SFMBT1: variants seen among roughly 807,000 people sequenced by gnomAD.
SFMBT1 encodes scm-like with four MBT domains protein 1.
Under a neutral mutation model 108.7 loss-of-function variants are expected in SFMBT1, and 32 were observed. That is an observed-to-expected ratio of 0.29 (90% CI 0.22 to 0.40). The LOEUF (loss-of-function observed/expected upper bound fraction) is 0.40, where lower values mean the gene tolerates loss of function less well. Among genes scored for constraint, SFMBT1 ranks in the 10% least tolerant of loss-of-function variants. The pLI is 1.00. For missense variants in SFMBT1, 816 were observed against 1,059.6 expected, an observed-to-expected ratio of 0.77 and a Z score of 3.19; for synonymous variants, 348 against 369.5, an observed-to-expected ratio of 0.94 and a Z score of 0.67.
At chr3:52,991,978 T>C (rs890123555) in intron 1 of SFMBT1, among the ~76,000 whole-genome samples, 14 of 152,248 alleles carry the variant, frequency 9.2e-5, no homozygotes, top group Admixed American at 8.5e-4. Context: ...GAGGAGATTG[T>C]CCATTTCTGT....
At chr3:53,020,617 C>T (rs933056446) in intron 1 of SFMBT1, among the ~76,000 whole-genome samples, 7 of 151,906 alleles carry the variant, frequency 4.6e-5, no homozygotes, top group South Asian at 2.1e-4. Context: ...ATATTAAAGC[C>T]GATACATGTT....
chr3:52,973,902 C>A (rs1355818403), intron 1 of SFMBT1, among the ~76,000 whole-genome samples: 3 of 152,204 alleles, frequency 2.0e-5, no homozygotes, highest in African/African-American at 7.2e-5. Flanking sequence ...ATTACACATA[C>A]AAGTCCACAC....
In SFMBT1 at chr3:52,957,751, G is replaced by C. The variant is rs115192920; in HGVS notation, c.29-3340C>G. 9.0e-3 allele frequency among the ~76,000 whole-genome samples: 1,375 copies of C among 152,260 alleles called. 17 individuals are homozygous for C. The highest frequency in any genetic ancestry group is 0.031 in the African/African-American group (1,285 of 41,556). Reference sequence around the variant, plus strand: ...AAATGGTGCTGGGAGAACTGACTAAGCCATAAGCAGAAAATTGAAACTGGG... The same window carrying C: ...AAATGGTGCTGGGAGAACTGACTAACCCATAAGCAGAAAATTGAAACTGGG... On this transcript the variant is annotated intron_variant, in intron 2 of 20. Coordinates refer to ENST00000394752, the MANE Select transcript of SFMBT1 (RefSeq NM_016329.4).
chr3:52,999,866 C>G (rs1039731676), intron 1 of SFMBT1, among the ~76,000 whole-genome samples: 4 of 148,536 alleles, frequency 2.7e-5, no homozygotes, highest in African/African-American at 9.8e-5. Flanking sequence ...GAAGTTTTTG[C>G]TTTTTTTTTG....
At chr3:53,025,083 T>G (rs910613187) in intron 1 of SFMBT1, among the ~76,000 whole-genome samples, 2 of 152,160 alleles carry the variant, frequency 1.3e-5, no homozygotes, top group African/African-American at 4.8e-5. Context: ...TACAGAAATA[T>G]GTAAGTACCT....
chr3:53,022,381 T>G (rs539473345), intron 1 of SFMBT1, among the ~76,000 whole-genome samples: 7 of 134,394 alleles, frequency 5.2e-5, no homozygotes, highest in Admixed American at 2.6e-4. Flanking sequence ...GCCCAGGAGG[T>G]AGACGCTGCA....
Position 52,941,577 on chromosome 3 carries a change from G to A in SFMBT1, c.364+1776C>T, listed in dbSNP as rs1181813846. Among the ~76,000 whole-genome samples the A allele has an allele frequency of 6.9e-5, 8 of 115,938 alleles. No individual in the cohort carries two copies. In the East Asian group the frequency reaches 2.2e-3, roughly 32 times the overall value. 76.1% of individuals were successfully genotyped at this position (115,938 alleles called of 152,430 possible). On this transcript the variant is annotated intron_variant, in intron 4 of 20. Coordinates refer to ENST00000394752, the MANE Select transcript of SFMBT1 (RefSeq NM_016329.4). Reference sequence around the variant, plus strand: ...CCATTGCACTCCAGCCTGGGCAACAGAGTGAGACTCTGTTTCAAAAAAAAA... The same window carrying A: ...CCATTGCACTCCAGCCTGGGCAACAAAGTGAGACTCTGTTTCAAAAAAAAA...
chr3:52,916,884 C>T (rs1440903884), intron 13 of SFMBT1, among the ~76,000 whole-genome samples: 2 of 152,108 alleles, frequency 1.3e-5, no homozygotes, highest in Non-Finnish European at 2.9e-5. Flanking sequence ...ATAAACTACT[C>T]ATTTTTCAAC....
chr3:53,040,967 A>ATT (rs1559560284), intron 1 of SFMBT1, among the ~76,000 whole-genome samples: 2 of 72,880 alleles, frequency 2.7e-5, no homozygotes, highest in Non-Finnish European at 6.0e-5. Context: ...AAGACACCTG[A>ATT]ATTTTTTTTT....
chr3:52,980,038 T>A (rs1704654746), intron 1 of SFMBT1, among the ~76,000 whole-genome samples: 1 of 152,096 alleles, frequency 6.6e-6, no homozygotes, highest in Non-Finnish European at 1.5e-5. Context: ...ATCAAAAAAT[T>A]AAGAAAAAGG....
chr3:52,922,867 G>A (rs1480535256), intron 10 of SFMBT1, among the ~76,000 whole-genome samples: 2 of 152,174 alleles, frequency 1.3e-5, no homozygotes, highest in Admixed American at 1.3e-4. Context: ...CCTATGGACT[G>A]CTGAGAGGCC....
chr3:53,013,630 T>C (rs990730888), intron 1 of SFMBT1, among the ~76,000 whole-genome samples: 4 of 125,184 alleles, frequency 3.2e-5, no homozygotes, highest in African/African-American at 9.7e-5. Context: ...TTTTTTTTTT[T>C]TTTTTTTTTT....
Position 52,905,120 on chromosome 3 carries a change from A to G in SFMBT1, c.*16T>C, listed in dbSNP as rs1230156401. ...CATTTGTGCTTCAAAGATCCAGCTC[A>G]CTTTGGTTGTCCTTCTCAGTTGGCA... is the stretch of plus-strand genomic sequence containing the variant. On this transcript the variant is annotated 3_prime_UTR_variant, in exon 21 of 21. Coordinates refer to ENST00000394752, the MANE Select transcript of SFMBT1 (RefSeq NM_016329.4). 6.2e-7 allele frequency: 1 copy of G among 1,612,840 alleles called. No homozygotes were observed. The highest frequency in any genetic ancestry group is 1.1e-5 in the South Asian group (1 of 90,740).
At chr3:52,933,049 C>T (rs1476938200) in intron 5 of SFMBT1, among the ~76,000 whole-genome samples, 1 of 152,162 alleles carries the variant, frequency 6.6e-6, no homozygotes, top group Non-Finnish European at 1.5e-5. Context: ...AACACTTTGG[C>T]ATACACTCTT....
intron 1 of SFMBT1, chr3:53,043,328 TTTAG>T (rs1479094767): frequency 6.6e-6 from 1 of 152,220 alleles, no homozygotes; most frequent in African/African-American, 2.4e-5. Context: ...TGACATAATT[TTTAG>T]TTAACCTTTT....
intron 1 of SFMBT1, among the ~76,000 whole-genome samples, chr3:53,035,996 T>C (rs1385014903): frequency 6.6e-6 from 1 of 152,250 alleles, no homozygotes; most frequent in Non-Finnish European, 1.5e-5. Flanking sequence ...AAGGTGTCTT[T>C]CCTTTTCCTT....
At chr3:52,968,662 C>G (rs542627467) in intron 2 of SFMBT1, among the ~76,000 whole-genome samples, 1 of 148,210 alleles carries the variant, frequency 6.7e-6, no homozygotes, top group African/African-American at 2.5e-5. Flanking sequence ...TGCAGTGGCG[C>G]GATCCTGGCT....
At chr3:52,942,891 T>A (rs1703233647) in intron 4 of SFMBT1, among the ~76,000 whole-genome samples, 1 of 152,250 alleles carries the variant, frequency 6.6e-6, no homozygotes. Flanking sequence ...TCTTTTGCCT[T>A]TATTGTCTCT....
At chr3:53,005,190 T>A in intron 1 of SFMBT1, among the ~76,000 whole-genome samples, 1 of 152,208 alleles carries the variant, frequency 6.6e-6, no homozygotes, top group East Asian at 1.9e-4. Flanking sequence ...TTTGAGAGCA[T>A]GTCATGCCAG....
Sources: gnomAD v4.1 joint callset for allele counts (sites outside exome capture counted in the v4.1 genomes callset) on GRCh38, gnomAD v4.1.1 for gene constraint, MANE v1.5 for transcripts, NCBI Gene and HGNC (gene_info 2026-07-23, HGNC 2026-07-21) for gene names.